Variants in KSR1 observed in about 807,000 individuals in gnomAD.
The protein encoded by KSR1 is kinase suppressor of ras 1.
KSR1 carries 35 observed loss-of-function variants against 92.9 expected under a neutral mutation model. That is an observed-to-expected ratio of 0.38 (90% CI 0.29 to 0.50). The LOEUF is 0.50. KSR1 is among the 20% of genes least tolerant of loss of function. KSR1 has a pLI of 0.94. For synonymous variants in KSR1, 467 were observed against 472.6 expected (o/e 0.99, Z 0.15); for missense variants, 972 against 1,158.5 (o/e 0.84, Z 2.34).
At chr17:27,528,208 A>G (rs2070390894) in intron 1 of KSR1, among the ~76,000 whole-genome samples, 1 of 152,152 alleles carries the variant, frequency 6.6e-6, no homozygotes, top group African/African-American at 2.4e-5. Context: ...CTGGGATTAC[A>G]GGTGCGTGCC....
intron 1 of KSR1, among the ~76,000 whole-genome samples, chr17:27,512,191 A>G (rs2069624953): frequency 6.6e-6 from 1 of 152,198 alleles, no homozygotes; most frequent in Non-Finnish European, 1.5e-5. Flanking sequence ...TTAGGTTTCC[A>G]TCACTAATCT....
chr17:27,621,963 C>T, intron 20 of KSR1: 1 of 1,611,198 alleles, frequency 6.2e-7, no homozygotes, highest in East Asian at 2.2e-5. Flanking sequence ...GCACCAGGGG[C>T]TTTCTTCCTC....
rs1023831087 is a variant in KSR1 at position 27,623,823 on chromosome 17, C to T, written c.*431C>T. 11 of 525,552 alleles carry T rather than the reference C, an allele frequency of 2.1e-5. No homozygotes were observed. Among genetic ancestry groups the T allele is most frequent in the African/African-American group, 4.0e-5 (2 of 49,854 alleles). 32.6% of individuals were successfully genotyped at this position (525,552 alleles called of 1,614,324 possible). A position where few individuals can be genotyped will look rare whatever the true frequency, so the allele number is the denominator to read the frequency against. On this transcript the variant is annotated 3_prime_UTR_variant, in exon 21 of 21. Coordinates refer to ENST00000644974, the MANE Select transcript of KSR1 (RefSeq NM_001394583.1). ...AATTGCAGCTGTTCTTGGGGTAGGG[C>T]GGGGAGCCCAGAAGGTCTGATCTGG...
At chr17:27,546,261 C>T (rs746578589) in intron 1 of KSR1, among the ~76,000 whole-genome samples, 1 of 152,156 alleles carries the variant, frequency 6.6e-6, no homozygotes, top group Non-Finnish European at 1.5e-5. Context: ...AATACGGTCC[C>T]TGCACTGATG....
Position 27,617,327 on chromosome 17 carries a change from G to A in KSR1, c.2526G>A (p.Leu842=), listed in dbSNP as rs527941594. Residue 842 remains leucine, a synonymous_variant, in exon 19 of 21, where the codon CTG becomes CTA. Transcript: ENST00000644974. The stretch of plus-strand genomic sequence containing the variant: ...TGTCGGCCTGCTGGGCTTTCGACCT[G>A]CAGGAGAGACCCAGCTTCAGCCTGC... ...EILSACWAFD[L]QERPSFSLLM... The A allele has an allele frequency of 6.2e-7, 1 of 1,611,780 alleles. No homozygotes were observed. Among genetic ancestry groups the A allele is most frequent in the Admixed American group, 1.7e-5 (1 of 59,818 alleles).
At chr17:27,542,320 C>T (rs943250417) in intron 1 of KSR1, among the ~76,000 whole-genome samples, 3 of 152,198 alleles carry the variant, frequency 2.0e-5, no homozygotes, top group Non-Finnish European at 4.4e-5. Flanking sequence ...TCCATGTTAG[C>T]CTGTGCCTTG....
chr17:27,562,292 T>TGG (rs2071864660), intron 2 of KSR1, among the ~76,000 whole-genome samples: 1 of 152,242 alleles, frequency 6.6e-6, no homozygotes, highest in Non-Finnish European at 1.5e-5. Flanking sequence ...TGGGTTTTCT[T>TGG]GTTGAATGAT....
chr17:27,532,520 C>T (rs2070580697), intron 1 of KSR1, among the ~76,000 whole-genome samples: 1 of 152,204 alleles, frequency 6.6e-6, no homozygotes, highest in Admixed American at 6.5e-5. Flanking sequence ...ACAGTGAGTG[C>T]GTGCATCTCC....
At chr17:27,537,033 C>T (rs1354466755) in intron 1 of KSR1, among the ~76,000 whole-genome samples, 1 of 152,224 alleles carries the variant, frequency 6.6e-6, no homozygotes, top group African/African-American at 2.4e-5. Flanking sequence ...CCCTCACCAC[C>T]CACTGCCAGG....
intron 1 of KSR1, among the ~76,000 whole-genome samples, chr17:27,464,643 C>T (rs1399232251): frequency 6.6e-6 from 1 of 151,318 alleles, no homozygotes; most frequent in Non-Finnish European, 1.5e-5. Context: ...GCACTTGAGC[C>T]TGCACTGAGC....
chr17:27,540,294 G>C (rs1352289337), intron 1 of KSR1, among the ~76,000 whole-genome samples: 3 of 152,160 alleles, frequency 2.0e-5, no homozygotes, highest in Admixed American at 6.5e-5. Context: ...TCTCAGCCTG[G>C]GGTTGAATCT....
At chr17:27,527,001 C>T in intron 1 of KSR1, 1 of 529,288 alleles carries the variant, frequency 1.9e-6, no homozygotes, top group Non-Finnish European at 3.5e-6. Flanking sequence ...GATGTTCTCC[C>T]AGCCCTTCTT....
intron 2 of KSR1, among the ~76,000 whole-genome samples, chr17:27,565,909 G>A (rs780591140): frequency 5.3e-5 from 8 of 151,960 alleles, no homozygotes; most frequent in East Asian, 1.9e-4. Flanking sequence ...TCCAGTTCAC[G>A]GTTTCTGGTG....
intron 17 of KSR1, among the ~76,000 whole-genome samples, chr17:27,610,710 A>G (rs2073891457): frequency 1.3e-5 from 2 of 152,286 alleles, no homozygotes; most frequent in African/African-American, 2.4e-5. Flanking sequence ...TATGTTTTAT[A>G]TATTATAAAA....
chr17:27,614,151 AT>A (rs1256565690), intron 18 of KSR1, among the ~76,000 whole-genome samples: 1 of 152,154 alleles, frequency 6.6e-6, no homozygotes, highest in Non-Finnish European at 1.5e-5. Flanking sequence ...AACCTAGCTG[AT>A]TTTTTTATTG....
At chr17:27,526,128 G>A (rs1454405083) in intron 1 of KSR1, among the ~76,000 whole-genome samples, 2 of 90,260 alleles carry the variant, frequency 2.2e-5, no homozygotes, top group East Asian at 3.4e-4. Context: ...CATGGTTCTT[G>A]TATGAATTCT....
At chr17:27,580,744 A>G (rs1247096709) in intron 3 of KSR1, among the ~76,000 whole-genome samples, 3 of 152,126 alleles carry the variant, frequency 2.0e-5, no homozygotes, top group African/African-American at 7.2e-5. Flanking sequence ...CAGGTGCGTC[A>G]GTCCCTTCTC....
At chr17:27,464,276 C>A (rs142225347) in intron 1 of KSR1, among the ~76,000 whole-genome samples, 46 of 152,256 alleles carry the variant, frequency 3.0e-4, no homozygotes, top group African/African-American at 9.4e-4. Context: ...ACGGGTGGAC[C>A]TTTTTTGAAG....
intron 1 of KSR1, among the ~76,000 whole-genome samples, chr17:27,546,642 C>T (rs886511483): frequency 1.4e-4 from 21 of 152,042 alleles, no homozygotes; most frequent in Admixed American, 3.9e-4. Flanking sequence ...TGGGTGAGTG[C>T]GTGCCTGGTG....
Sources: allele counts gnomAD v4.1 joint callset (sites outside exome capture counted in the v4.1 genomes callset), GRCh38; gene constraint gnomAD v4.1.1; transcripts MANE v1.5; gene names NCBI Gene and HGNC (gene_info 2026-07-23, HGNC 2026-07-21).